The following CCDC33 variants were observed in gnomAD, a reference collection of about 807,000 sequenced individuals.
The protein encoded by CCDC33 is coiled-coil domain containing 33.
A neutral mutation model predicts 91.9 loss-of-function variants in CCDC33; 94 were observed. The observed-to-expected ratio is 1.02, with a 90% CI of 0.87 to 1.21. The LOEUF (loss-of-function observed/expected upper bound fraction) is 1.21, where lower values mean the gene tolerates loss of function less well. Among genes scored for constraint, CCDC33 ranks in the 50% most tolerant of loss-of-function variants. CCDC33 has a pLI of 0.00. For missense variants in CCDC33, 940 were observed against 935.5 expected (o/e 1.00, Z -0.06); for synonymous variants, 396 against 374.5 (o/e 1.06, Z -0.66).
At chr15:74,204,453 C>T (rs1362703715) in intron 1 of CCDC33, among the ~76,000 whole-genome samples, 3 of 152,218 alleles carry the variant, frequency 2.0e-5, no homozygotes, top group South Asian at 2.1e-4. Context: ...CCAGAGTCCC[C>T]GTGCCCACAC....
chr15:74,303,846 C>T (rs1364871368), intron 11 of CCDC33: 1 of 152,320 alleles, frequency 6.6e-6, no homozygotes, highest in African/African-American at 2.4e-5. Flanking sequence ...GGCAACCGAC[C>T]TAAGCCATGG....
Position 74,221,345 on chromosome 15 carries a change from G to A in CCDC33, c.675+2484G>A, listed in dbSNP as rs537695712. 5,148 of 975,236 alleles carry A rather than the reference G, an allele frequency of 5.3e-3. 27 individuals carry two copies. Among genetic ancestry groups the A allele is most frequent in the Non-Finnish European group, 5.9e-3 (4,879 of 821,616 alleles). 60.4% of individuals were successfully genotyped at this position (975,236 alleles called of 1,614,324 possible). On this transcript the variant is annotated intron_variant, in intron 2 of 2. Transcript: ENST00000635913. ...AGATGATCCAGAATGAGAAGGAAGCGGAAGACAAGGCTCAGTGTGAGACCA... is the reference window on the plus strand; with the variant it reads ...AGATGATCCAGAATGAGAAGGAAGCAGAAGACAAGGCTCAGTGTGAGACCA...
chr15:74,211,393 CTTTTTTT>C (rs34963230), intron 2 of CCDC33, among the ~76,000 whole-genome samples: 2 of 73,892 alleles, frequency 2.7e-5, no homozygotes, highest in South Asian at 5.3e-4. Context: ...CTGCCCCTGG[CTTTTTTT>C]TTTTTTTTTT....
In CCDC33 at chr15:74,228,352, C is replaced by G. The variant is rs570779900; in HGVS notation, c.675+9491C>G. 4.6e-5 allele frequency among the ~76,000 whole-genome samples: 7 copies of G among 152,356 alleles called. No individual in the cohort carries two copies. The East Asian group carries it at 9.6e-4, about 21-fold the overall frequency. ...ATCTGTAAAATGAGGATGATAACAA[C>G]ACTCGCCAGCAGGACTGTTGAATTC... On this transcript the variant is annotated intron_variant, in intron 2 of 2. Coordinates refer to the CCDC33 transcript ENST00000635913.
intron 5 of CCDC33, among the ~76,000 whole-genome samples, chr15:74,270,969 C>T (rs1401113855): frequency 6.6e-6 from 1 of 152,106 alleles, no homozygotes; most frequent in African/African-American, 2.4e-5. Context: ...GAGGAGGGAA[C>T]AACCAAGGGC....
chr15:74,270,998 C>T (rs1035030459), intron 5 of CCDC33, among the ~76,000 whole-genome samples: 1 of 152,038 alleles, frequency 6.6e-6, no homozygotes, highest in Non-Finnish European at 1.5e-5. Context: ...GAGTGACAAC[C>T]GGGATCTGAT....
intron 11 of CCDC33, among the ~76,000 whole-genome samples, chr15:74,317,847 C>T (rs1208744021): frequency 1.3e-5 from 2 of 150,250 alleles, no homozygotes; most frequent in Non-Finnish European, 3.0e-5. Context: ...CCTTCATGAC[C>T]AGGGCCGTTT....
intron 1 of CCDC33, among the ~76,000 whole-genome samples, chr15:74,203,538 C>A (rs376321088): frequency 3.9e-5 from 6 of 152,248 alleles, no homozygotes; most frequent in African/African-American, 1.4e-4. Flanking sequence ...CCTTCCAATA[C>A]CCTACAAGGG....
At chr15:74,317,084 G>C (rs576381186) in intron 11 of CCDC33, among the ~76,000 whole-genome samples, 1 of 152,220 alleles carries the variant, frequency 6.6e-6, no homozygotes, top group Non-Finnish European at 1.5e-5. Flanking sequence ...AGTGGGCCAG[G>C]TGCAGTGGCT....
chr15:74,260,140 C>T (rs769795869), intron 2 of CCDC33, among the ~76,000 whole-genome samples: 63 of 152,294 alleles, frequency 4.1e-4, no homozygotes, highest in Non-Finnish European at 7.6e-4. Context: ...CTGTCAGGAG[C>T]GGGAGCCTAG....
chr15:74,240,901 A>G (rs1348280555), intron 1 of CCDC33, among the ~76,000 whole-genome samples: 1 of 152,084 alleles, frequency 6.6e-6, no homozygotes, highest in African/African-American at 2.4e-5. Flanking sequence ...CCAAGTTGAA[A>G]CCTAGGTCTT....
At chr15:74,322,642 C>G (rs1297558058) in intron 11 of CCDC33, among the ~76,000 whole-genome samples, 1 of 152,194 alleles carries the variant, frequency 6.6e-6, no homozygotes, top group African/African-American at 2.4e-5. Flanking sequence ...GACATGTGCT[C>G]CTGGAACTGG....
intron 2 of CCDC33, among the ~76,000 whole-genome samples, chr15:74,246,767 C>A (rs2075543995): frequency 1.3e-5 from 2 of 152,194 alleles, no homozygotes; most frequent in Non-Finnish European, 2.9e-5. Context: ...CACGGAGGTT[C>A]CTCAAGAAAT....
chr15:74,262,147 G>A (rs1054983480), intron 2 of CCDC33, among the ~76,000 whole-genome samples: 14 of 152,120 alleles, frequency 9.2e-5, no homozygotes, highest in Non-Finnish European at 1.8e-4. Context: ...GAAGTCAGGC[G>A]GGCAAAGCAT....
chr15:74,235,661 G>T (rs1335531845), upstream of CCDC33, among the ~76,000 whole-genome samples: 3 of 152,014 alleles, frequency 2.0e-5, no homozygotes, highest in African/African-American at 7.3e-5. Context: ...CTCACCAAAA[G>T]CACTTAGGAC....
At chr15:74,290,532 G>A (rs2059566539) in intron 10 of CCDC33, among the ~76,000 whole-genome samples, 1 of 152,162 alleles carries the variant, frequency 6.6e-6, no homozygotes, top group Non-Finnish European at 1.5e-5. Context: ...TGAGATTGGT[G>A]CATTGAATAT....
intron 1 of CCDC33, among the ~76,000 whole-genome samples, chr15:74,239,335 G>A (rs548451714): frequency 1.6e-4 from 25 of 152,166 alleles, no homozygotes; most frequent in African/African-American, 6.0e-4. Context: ...TGAATTCAAG[G>A]ACCATTAACT....
chr15:74,319,240 G>T (rs1348452224), intron 11 of CCDC33, among the ~76,000 whole-genome samples: 3 of 152,232 alleles, frequency 2.0e-5, no homozygotes, highest in Non-Finnish European at 4.4e-5. Flanking sequence ...TCCCCACAGG[G>T]TGCAGATGAG....
intron 2 of CCDC33, 61 bp from the exon 3 acceptor site, chr15:74,262,378 GA>G (rs1417541101): frequency 8.2e-5 from 132 of 1,600,716 alleles, no homozygotes; most frequent in Non-Finnish European, 1.0e-4. Context: ...TGGAGCCTGG[GA>G]TGGGGACAAG....
Sources: allele counts gnomAD v4.1 joint callset (sites outside exome capture counted in the v4.1 genomes callset), GRCh38; gene constraint gnomAD v4.1.1; transcripts MANE v1.5; gene names NCBI Gene and HGNC (gene_info 2026-07-23, HGNC 2026-07-21).